The following VAV3 variants were observed in gnomAD, a reference collection of about 807,000 sequenced individuals.
The protein encoded by VAV3 is guanine nucleotide exchange factor VAV3.
A neutral mutation model predicts 131.2 loss-of-function variants in VAV3; 94 were observed. The observed-to-expected ratio is 0.72, with a 90% CI of 0.61 to 0.85. VAV3 has a LOEUF of 0.85. Ranked by LOEUF, VAV3 falls within the 40% of genes least tolerant of loss-of-function variation. The pLI, the probability that VAV3 is intolerant of heterozygous loss-of-function variation, is 0.00. For missense variants in VAV3, 939 were observed against 1,002.7 expected, an observed-to-expected ratio of 0.94 and a Z score of 0.86; for synonymous variants, 349 against 342.0, an observed-to-expected ratio of 1.02 and a Z score of -0.22.
At chr1:107,791,640 T>C (rs2102273557) in intron 2 of VAV3, among the ~76,000 whole-genome samples, 1 of 152,306 alleles carries the variant, frequency 6.6e-6, no homozygotes, top group East Asian at 1.9e-4. Context: ...TAGTCTGTGA[T>C]GGGGCCTTAG....
At chr1:107,582,043 T>A (rs1465405271) in intron 25 of VAV3, among the ~76,000 whole-genome samples, 1 of 152,146 alleles carries the variant, frequency 6.6e-6, no homozygotes, top group Non-Finnish European at 1.5e-5. Flanking sequence ...AACAAAAAGT[T>A]GTTAGTAAGA....
At position 107,777,306 on chromosome 1, in the gene VAV3, G is replaced by A. The variant is rs1316196989; in HGVS notation, c.381-10C>T. The stretch of plus-strand genomic sequence containing the variant: ...TTCTGTTGGGAAGGGCCTAGGAAGA[G>A]GAGAAAAAACAAAAACAAAAAAACA... On this transcript the variant is annotated splice_polypyrimidine_tract_variant and intron_variant, in intron 3 of 26. Coordinates refer to ENST00000370056, the MANE Select transcript of VAV3 (RefSeq NM_006113.5). The A allele has an allele frequency of 3.7e-6, 6 of 1,613,010 alleles. No individual in the cohort carries two copies. The highest frequency in any genetic ancestry group is 5.1e-6 in the Non-Finnish European group (6 of 1,179,736).
intron 1 of VAV3, among the ~76,000 whole-genome samples, chr1:107,959,532 T>C (rs1674979726): frequency 6.6e-6 from 1 of 152,132 alleles, no homozygotes; most frequent in Non-Finnish European, 1.5e-5. Context: ...TGACATGTCA[T>C]CGCTCCTCCC....
intron 24 of VAV3, among the ~76,000 whole-genome samples, chr1:107,601,616 T>C (rs1651871057): frequency 7.7e-6 from 1 of 130,250 alleles, no homozygotes; most frequent in Non-Finnish European, 1.7e-5. Flanking sequence ...CTCTTCATTA[T>C]CTCAGAAACT....
At chr1:107,893,090 C>T (rs1222309246) in intron 1 of VAV3, among the ~76,000 whole-genome samples, 1 of 152,154 alleles carries the variant, frequency 6.6e-6, no homozygotes, top group Non-Finnish European at 1.5e-5. Context: ...TGCTAAAGCT[C>T]CAGTGTCAAC....
intron 24 of VAV3, among the ~76,000 whole-genome samples, chr1:107,600,702 T>C (rs1651782530): frequency 6.6e-6 from 1 of 152,202 alleles, no homozygotes; most frequent in African/African-American, 2.4e-5. Context: ...TAGGAACTCA[T>C]GTATCTATGT....
chr1:107,586,444 G>A (rs548738793), intron 25 of VAV3, among the ~76,000 whole-genome samples: 1 of 152,104 alleles, frequency 6.6e-6, no homozygotes, highest in African/African-American at 2.4e-5. Flanking sequence ...GCTTGGATTC[G>A]ACTGAAATAT....
intron 1 of VAV3, among the ~76,000 whole-genome samples, chr1:107,921,154 C>T (rs911054306): frequency 9.2e-5 from 14 of 152,184 alleles, no homozygotes; most frequent in African/African-American, 1.7e-4. Context: ...GTGTCATACA[C>T]GGCTACTGCA....
intron 1 of VAV3, among the ~76,000 whole-genome samples, chr1:107,880,561 C>T (rs12144741): frequency 0.65 from 98,950 of 151,990 alleles, 32,728 homozygotes; most frequent in Non-Finnish European, 0.72. Flanking sequence ...TTCAGGAGGC[C>T]GAGGTGGGCA....
At chr1:107,576,504 C>G (rs1403011796) in intron 25 of VAV3, 1 of 1,491,148 alleles carries the variant, frequency 6.7e-7, no homozygotes, top group South Asian at 1.3e-5. Flanking sequence ...AAGAGAGAAG[C>G]AAAAGAGCAT....
chr1:107,614,421 T>A (rs11582533), intron 21 of VAV3, among the ~76,000 whole-genome samples: 55,956 of 151,600 alleles, frequency 0.37, 10,702 homozygotes, highest in Middle Eastern at 0.44. Context: ...ACTCCCTCAA[T>A]CTATCCCCTC....
At chr1:107,580,537 A>C (rs1014208624) in intron 25 of VAV3, among the ~76,000 whole-genome samples, 2 of 152,250 alleles carry the variant, frequency 1.3e-5, no homozygotes, top group South Asian at 4.1e-4. Flanking sequence ...TTCTCCTGCC[A>C]CCCAGTGTAT....
chr1:107,607,166 C>T (rs1379385828), intron 22 of VAV3, among the ~76,000 whole-genome samples: 1 of 151,870 alleles, frequency 6.6e-6, no homozygotes, highest in Non-Finnish European at 1.5e-5. Flanking sequence ...ATGTTCCAGG[C>T]TGGTCTTGAA....
At chr1:107,721,426 A>G (rs1163283216) in intron 15 of VAV3, among the ~76,000 whole-genome samples, 2 of 152,164 alleles carry the variant, frequency 1.3e-5, no homozygotes, top group African/African-American at 4.8e-5. Context: ...CTTGAGATGG[A>G]AGGAATGGAT....
At chr1:107,827,763 T>G (rs563927236) in intron 2 of VAV3, among the ~76,000 whole-genome samples, 1 of 152,320 alleles carries the variant, frequency 6.6e-6, no homozygotes, top group African/African-American at 2.4e-5. Flanking sequence ...ACCATTGATT[T>G]TATTTGAAAC....
At chr1:107,600,580 G>C (rs1651768637) in intron 24 of VAV3, among the ~76,000 whole-genome samples, 1 of 152,124 alleles carries the variant, frequency 6.6e-6, no homozygotes, top group Admixed American at 6.5e-5. Flanking sequence ...AGTACTTTTA[G>C]TTATTTTTCC....
chr1:107,706,339 G>A (rs533046619), intron 15 of VAV3, among the ~76,000 whole-genome samples: 6 of 152,252 alleles, frequency 3.9e-5, no homozygotes, highest in South Asian at 2.1e-4. Context: ...AAAAACATTC[G>A]CAAAGGCAAT....
chr1:107,646,770 T>C (rs899603003), intron 19 of VAV3, among the ~76,000 whole-genome samples: 2 of 152,030 alleles, frequency 1.3e-5, no homozygotes, highest in South Asian at 2.1e-4. Context: ...ATTAGCAATA[T>C]TAAAAGGATA....
chr1:107,606,580 C>T (rs72971564), intron 22 of VAV3, among the ~76,000 whole-genome samples: 30,175 of 151,946 alleles, frequency 0.2, 3,103 homozygotes, highest in Non-Finnish European at 0.23. Context: ...AACAGTCTAG[C>T]TTCCATATAG....
Sources: allele counts gnomAD v4.1 joint callset (sites outside exome capture counted in the v4.1 genomes callset), GRCh38; gene constraint gnomAD v4.1.1; transcripts MANE v1.5; gene names NCBI Gene and HGNC (gene_info 2026-07-23, HGNC 2026-07-21).